The following ALK variants were observed in gnomAD, a reference collection of about 807,000 sequenced individuals.
ALK encodes the protein ALK tyrosine kinase receptor.
Under a neutral mutation model 163.1 loss-of-function variants are expected in ALK, and 74 were observed. The ratio of observed to expected loss-of-function variants is 0.45; its 90% CI spans 0.38 to 0.55. The LOEUF is 0.55. Among genes scored for constraint, ALK ranks in the 20% least tolerant of loss-of-function variants. The probability of loss-of-function intolerance (pLI) is 0.00; values close to 1 mark genes in which losing one functional copy is unlikely to be tolerated. For synonymous variants in ALK, 960 were observed against 843.2 expected (o/e 1.14, Z -2.40); for missense variants, 2,063 against 2,105.3 (o/e 0.98, Z 0.39).
intron 4 of ALK, among the ~76,000 whole-genome samples, chr2:29,509,167 A>G (rs1026346192): frequency 6.6e-6 from 1 of 152,198 alleles, no homozygotes; most frequent in African/African-American, 2.4e-5. Context: ...GTAAATGTTT[A>G]TAAGCAACTT....
intron 3 of ALK, among the ~76,000 whole-genome samples, chr2:29,586,322 G>T (rs1674886868): frequency 1.3e-5 from 2 of 151,488 alleles, no homozygotes; most frequent in South Asian, 4.2e-4. Flanking sequence ...AAATATGCTT[G>T]TGTTTCCATT....
intron 1 of ALK, among the ~76,000 whole-genome samples, chr2:29,909,480 CAGAGAGAGAGAGAG>C (rs369360033): frequency 1.3e-4 from 17 of 135,890 alleles, no homozygotes; most frequent in African/African-American, 1.6e-4. Context: ...GACAGACAGA[CAGAGAGAGAGAGAG>C]AGAGAGAGAG....
intron 1 of ALK, among the ~76,000 whole-genome samples, chr2:29,789,015 C>CTGTGTGTGTGTGTGTGTGTGTGTGTG (rs57619106): frequency 1.8e-4 from 23 of 125,490 alleles, no homozygotes; most frequent in Admixed American, 3.4e-4. Flanking sequence ...TCCTGGTACA[C>CTGTGTGTGTGTGTGTGTGTGTGTGTG]TGTGTGTGTG....
intron 4 of ALK, among the ~76,000 whole-genome samples, chr2:29,489,732 C>T (rs1286872619): frequency 6.6e-6 from 1 of 152,154 alleles, no homozygotes; most frequent in African/African-American, 2.4e-5. Context: ...GAGCCTGGAC[C>T]GAAGAAGCCT....
At chr2:29,618,127 A>G (rs1490513739) in intron 3 of ALK, among the ~76,000 whole-genome samples, 1 of 152,226 alleles carries the variant, frequency 6.6e-6, no homozygotes, top group Non-Finnish European at 1.5e-5. Context: ...GTGCTGACCA[A>G]CATTCACTCC....
chr2:29,916,520 A>G (rs999878290), intron 1 of ALK, among the ~76,000 whole-genome samples: 19 of 152,156 alleles, frequency 1.2e-4, no homozygotes. Flanking sequence ...GGGAGCTCCA[A>G]TTTCCTCTCC....
intron 4 of ALK, among the ~76,000 whole-genome samples, chr2:29,441,355 G>A (rs1270575914): frequency 6.6e-6 from 1 of 152,244 alleles, no homozygotes; most frequent in African/African-American, 2.4e-5. Context: ...AGGGCTCGGT[G>A]TCACTGTAAG....
chr2:29,206,816 G>C (rs1172135413), intron 26 of ALK, among the ~76,000 whole-genome samples: 1 of 151,930 alleles, frequency 6.6e-6, no homozygotes, highest in African/African-American at 2.4e-5. Flanking sequence ...TGTGTACTTT[G>C]TGAGGGGCAT....
At chr2:29,895,053 C>G (rs1372771682) in intron 1 of ALK, among the ~76,000 whole-genome samples, 2 of 151,884 alleles carry the variant, frequency 1.3e-5, no homozygotes, top group Admixed American at 1.3e-4. Context: ...TTTCTGAAGA[C>G]TTAATATCAA....
chr2:29,869,076 C>T (rs1666513024), intron 1 of ALK, among the ~76,000 whole-genome samples: 1 of 152,122 alleles, frequency 6.6e-6, no homozygotes, highest in East Asian at 1.9e-4. Flanking sequence ...TAAGTCACCC[C>T]CAGCTACTGA....
At chr2:29,295,918 G>A (rs1051230258) in intron 9 of ALK, among the ~76,000 whole-genome samples, 1 of 152,038 alleles carries the variant, frequency 6.6e-6, no homozygotes, top group Non-Finnish European at 1.5e-5. Context: ...ATGGCCCCTC[G>A]CCCCTCTTTT....
chr2:29,332,004 C>T (rs1307939898), intron 5 of ALK, among the ~76,000 whole-genome samples: 1 of 151,904 alleles, frequency 6.6e-6, no homozygotes, highest in African/African-American at 2.4e-5. Context: ...ACTTAAAAAT[C>T]AGCCAGGCGT....
chr2:29,517,179 G>A (rs1672692948), intron 4 of ALK, among the ~76,000 whole-genome samples: 1 of 152,112 alleles, frequency 6.6e-6, no homozygotes, highest in African/African-American at 2.4e-5. Flanking sequence ...CATGGGACTG[G>A]GGCTGTCACA....
chr2:29,441,582 A>T (rs990805378), intron 4 of ALK, among the ~76,000 whole-genome samples: 6 of 152,234 alleles, frequency 3.9e-5, no homozygotes, highest in Non-Finnish European at 7.3e-5. Context: ...CTATTTTTCA[A>T]TTGATCTGGA....
chr2:29,805,137 T>G (rs930711215), intron 1 of ALK, among the ~76,000 whole-genome samples: 5 of 152,094 alleles, frequency 3.3e-5, no homozygotes, highest in Non-Finnish European at 7.4e-5. Context: ...TCATCACCTA[T>G]TAAATGAAAT....
chr2:29,314,561 A>G (rs1471820338), intron 8 of ALK, among the ~76,000 whole-genome samples: 1 of 152,112 alleles, frequency 6.6e-6, no homozygotes, highest in Non-Finnish European at 1.5e-5. Context: ...GCCAGGTAGG[A>G]AAACCAGCAT....
Position 29,350,807 on chromosome 2 carries a change from C to T in ALK, c.1283-22326G>A, listed in dbSNP as rs533920095. ...GACACTCAGGCCCAGAGAGGTTAAG[C>T]AACTTGTCCAAGGTTGCAGAGCCAA... On this transcript the variant is annotated intron_variant, in intron 5 of 28. Transcript: ENST00000389048. Among the ~76,000 whole-genome samples the T allele has an allele frequency of 5.9e-5, 9 of 152,280 alleles. No individual in the cohort carries two copies. The South Asian group carries it at 6.2e-4, about 11-fold the overall frequency.
intron 4 of ALK, among the ~76,000 whole-genome samples, chr2:29,389,822 C>G (rs1669118765): frequency 6.6e-6 from 1 of 152,130 alleles, no homozygotes; most frequent in African/African-American, 2.4e-5. Context: ...ATTATTACTA[C>G]ATAGCTCATC....
rs559339916 is a variant in ALK, at chr2:29,577,515, G to A, written c.953-45399C>T. Among the ~76,000 whole-genome samples, 8 of 152,214 alleles carry A rather than the reference G, an allele frequency of 5.3e-5. 1 individual carries two copies. The highest frequency in any genetic ancestry group is 1.9e-4 in the East Asian group (1 of 5,172). Reference sequence around the variant, plus strand: ...TAGATGCATGGGAAGGGATGGGACCGGTAAGTCTACACGGAGGAGATCTGT... The same window carrying A: ...TAGATGCATGGGAAGGGATGGGACCAGTAAGTCTACACGGAGGAGATCTGT... On this transcript the variant is annotated intron_variant, in intron 3 of 28. Coordinates refer to ENST00000389048, the MANE Select transcript of ALK (RefSeq NM_004304.5).
Sources: allele counts gnomAD v4.1 joint callset (sites outside exome capture counted in the v4.1 genomes callset), GRCh38; gene constraint gnomAD v4.1.1; transcripts MANE v1.5; gene names NCBI Gene and HGNC (gene_info 2026-07-23, HGNC 2026-07-21).